ADRA1A: variants seen among roughly 807,000 people sequenced by gnomAD.
ADRA1A encodes the protein adrenoceptor alpha 1A.
ADRA1A carries 31 observed loss-of-function variants against 29.6 expected under a neutral mutation model. The ratio of observed to expected loss-of-function variants is 1.05; its 90% CI spans 0.79 to 1.41. The LOEUF (loss-of-function observed/expected upper bound fraction) is 1.41, where lower values mean the gene tolerates loss of function less well. Ranked by LOEUF, ADRA1A falls within the 40% of genes most tolerant of loss-of-function variation. The probability of loss-of-function intolerance (pLI) is 0.00; values close to 1 mark genes in which losing one functional copy is unlikely to be tolerated. For missense variants in ADRA1A, 619 were observed against 601.1 expected, an observed-to-expected ratio of 1.03 and a Z score of -0.31; for synonymous variants, 311 against 254.3, an observed-to-expected ratio of 1.22 and a Z score of -2.12.
chr8:26,828,338 T>C (rs528713207), intron 2 of ADRA1A, among the ~76,000 whole-genome samples: 5 of 152,330 alleles, frequency 3.3e-5, no homozygotes, highest in Admixed American at 2.0e-4. Context: ...TACCTCCTAC[T>C]CATCCATGGT....
At chr8:26,784,800 A>C (rs1807255425) in intron 2 of ADRA1A, among the ~76,000 whole-genome samples, 1 of 152,212 alleles carries the variant, frequency 6.6e-6, no homozygotes, top group Non-Finnish European at 1.5e-5. Context: ...TAGGGAGACC[A>C]ACCAGGAGGC....
At chr8:26,844,080 C>T (rs188219027) in intron 2 of ADRA1A, among the ~76,000 whole-genome samples, 1 of 152,116 alleles carries the variant, frequency 6.6e-6, no homozygotes, top group Non-Finnish European at 1.5e-5. Flanking sequence ...TTTTGGAAAT[C>T]AGGATTTTTC....
intron 2 of ADRA1A, among the ~76,000 whole-genome samples, chr8:26,788,103 A>G (rs1029747084): frequency 6.6e-6 from 1 of 152,164 alleles, no homozygotes; most frequent in East Asian, 1.9e-4. Flanking sequence ...TGCTGGGGAA[A>G]AGACATATTC....
intron 2 of ADRA1A, among the ~76,000 whole-genome samples, chr8:26,846,977 C>G (rs998423272): frequency 5.3e-5 from 8 of 152,068 alleles, no homozygotes; most frequent in African/African-American, 1.7e-4. Flanking sequence ...GAACAAAAAA[C>G]CAAACACTGC....
chr8:26,779,760 T>C (rs1208767021), intron 2 of ADRA1A, among the ~76,000 whole-genome samples: 1 of 152,182 alleles, frequency 6.6e-6, no homozygotes, highest in African/African-American at 2.4e-5. Flanking sequence ...GCAATTCTGA[T>C]TGCATGAAGC....
chr8:26,794,414 C>A (rs1287276139), intron 2 of ADRA1A, among the ~76,000 whole-genome samples: 3 of 152,026 alleles, frequency 2.0e-5, no homozygotes, highest in African/African-American at 7.2e-5. Context: ...ATGAATCTTG[C>A]ATGAATTTTG....
At position 26,796,903 on chromosome 8, in the gene ADRA1A, G is replaced by T. The variant is rs952843156; in HGVS notation, c.884-26237C>A. Among the ~76,000 whole-genome samples the T allele has an allele frequency of 2.0e-5, 3 of 152,052 alleles. No homozygotes were observed. Among genetic ancestry groups the T allele is most frequent in the Non-Finnish European group, 4.4e-5 (3 of 68,004 alleles). On this transcript the variant is annotated intron_variant, in intron 2 of 2. Transcript: ENST00000380573. This position sits in a 1 kb window ranked among gnomAD's most constrained non-coding sequence, Gnocchi z 5.0. ...TTGGAGAGGTTTATTCCCTCACTGC[G>T]CAAATTTTTATAGAGATGAGACTGG...
chr8:26,774,366 A>G lies in ADRA1A; in HGVS notation c.884-3700T>C, dbSNP rs549180131. The stretch of plus-strand genomic sequence containing the variant: ...TGCTTCCTTCAAGAACTTTCCAAAG[A>G]GTGAGAAAAGACAGCAAAAGGGCTA... On this transcript the variant is annotated intron_variant, in intron 2 of 2. Coordinates refer to ENST00000380573, the MANE Select transcript of ADRA1A (RefSeq NM_000680.4). 6.6e-5 allele frequency among the ~76,000 whole-genome samples: 10 copies of G among 152,330 alleles called. No homozygotes were observed. In the South Asian group the frequency reaches 2.1e-3, roughly 32 times the overall value.
At chr8:26,782,323 A>G in intron 2 of ADRA1A, among the ~76,000 whole-genome samples, 1 of 152,308 alleles carries the variant, frequency 6.6e-6, no homozygotes, top group Admixed American at 6.5e-5. Context: ...ATACATATAT[A>G]TAGGAATTTT....
downstream of ADRA1A, among the ~76,000 whole-genome samples, chr8:26,763,254 G>A (rs767705604): frequency 6.6e-6 from 1 of 152,194 alleles, no homozygotes; most frequent in African/African-American, 2.4e-5. The surrounding 1 kb of genome is among the most constrained non-coding windows in gnomAD (Gnocchi z 4.5). Context: ...AAGGAGCCAA[G>A]TGTGGCCCTG....
At chr8:26,780,502 A>G (rs984651852) in intron 2 of ADRA1A, among the ~76,000 whole-genome samples, 1 of 151,954 alleles carries the variant, frequency 6.6e-6, no homozygotes, top group African/African-American at 2.4e-5. Flanking sequence ...AATTTGTCCA[A>G]TTCTCTCTGT....
exon 3 of ADRA1A, chr8:26,756,697 GT>G: frequency 6.2e-7 from 1 of 1,613,904 alleles, no homozygotes. Context: ...AGGACCAGTG[GT>G]GGGTTTCATG....
Position 26,866,915 on chromosome 8 carries a change from C to A in ADRA1A, c.-687+21G>T. 1 of 985,386 alleles carries A rather than the reference C, an allele frequency of 1.0e-6. No individual in the cohort carries two copies. Among genetic ancestry groups the A allele is most frequent in the Non-Finnish European group, 1.2e-6 (1 of 829,958 alleles). 61.0% of individuals were successfully genotyped at this position (985,386 alleles called of 1,614,324 possible). ...CCCTCACCCACTCGGCCCTGCGGGACGCCGGCCCCGGCGCACTCACCTGAA... is the reference window on the plus strand; with the variant it reads ...CCCTCACCCACTCGGCCCTGCGGGAAGCCGGCCCCGGCGCACTCACCTGAA... On this transcript the variant is annotated intron_variant, in intron 1 of 2. Coordinates refer to ENST00000380573, the MANE Select transcript of ADRA1A (RefSeq NM_000680.4). The surrounding 1 kb of genome is among the most constrained non-coding windows in gnomAD (Gnocchi z 5.7).
intron 2 of ADRA1A, among the ~76,000 whole-genome samples, chr8:26,820,316 T>C (rs546381269): frequency 5.3e-5 from 8 of 152,290 alleles, no homozygotes; most frequent in Middle Eastern, 3.4e-3. Context: ...GGTGGAACAT[T>C]CTCCAGGATA....
chr8:26,780,534 C>T (rs1347985214), intron 2 of ADRA1A, among the ~76,000 whole-genome samples: 2 of 152,182 alleles, frequency 1.3e-5, no homozygotes, highest in Admixed American at 6.5e-5. Context: ...TTTTCAAAAT[C>T]CCACTCATCC....
At chr8:26,764,416 C>T (rs567790479), downstream of ADRA1A, among the ~76,000 whole-genome samples, 3 of 152,264 alleles carry the variant, frequency 2.0e-5, no homozygotes, top group Admixed American at 1.3e-4. Flanking sequence ...GCCCCTAGAA[C>T]AGTGACATGC....
rs1030919386 is a variant in ADRA1A at position 26,775,983 on chromosome 8, A to C, written c.884-5317T>G. Among the ~76,000 whole-genome samples the C allele has an allele frequency of 6.6e-6, 1 of 152,140 alleles. No homozygotes were observed. The highest frequency in any genetic ancestry group is 2.4e-5 in the African/African-American group (1 of 41,424). Reference sequence around the variant, plus strand: ...TTGGGAAAATCTGACTTCATTTTTGAACTGGGGCTCATCTAATAGGCTTAT... The same window carrying C: ...TTGGGAAAATCTGACTTCATTTTTGCACTGGGGCTCATCTAATAGGCTTAT... On this transcript the variant is annotated intron_variant, in intron 2 of 2. Transcript: ENST00000380573. The surrounding 1 kb of genome is among the most constrained non-coding windows in gnomAD (Gnocchi z 4.1).
Position 26,864,356 on chromosome 8 carries a change from C to T in ADRA1A, c.614G>A (p.Cys205Tyr). The T allele has an allele frequency of 6.2e-7, 1 of 1,614,006 alleles. No individual in the cohort carries two copies. The highest frequency in any genetic ancestry group is 8.5e-7 in the Non-Finnish European group (1 of 1,180,010). ...CCTCTTGGCCACCACGTAGACGCGG[C>T]AGTACATGACCAGGATGATGGCCAG... ...LPLAIILVMY[C>Y]RVYVVAKRES... Residue 205 changes from cysteine (C) to tyrosine (Y), a missense_variant, in exon 2 of 3, where the codon TGC becomes TAC. Transcript: ENST00000380573. The surrounding 1 kb of genome is among the most constrained non-coding windows in gnomAD (Gnocchi z 8.1).
In ADRA1A at chr8:26,768,915, T is replaced by G; in HGVS notation, c.*1234A>C. 1 of 985,484 alleles carries G rather than the reference T, an allele frequency of 1.0e-6. No individual in the cohort carries two copies. Among genetic ancestry groups the G allele is most frequent in the Non-Finnish European group, 1.2e-6 (1 of 829,934 alleles). 61.0% of individuals were successfully genotyped at this position (985,484 alleles called of 1,614,324 possible). A position where few individuals can be genotyped will look rare whatever the true frequency, so the allele number is the denominator to read the frequency against. On this transcript the variant is annotated 3_prime_UTR_variant, in exon 3 of 3. Transcript: ENST00000380573. ...TAGGAATAGATGAAGTTGAGTTGAC[T>G]ACTGGATCTTTTACCAGAACAAATG...
Sources: gnomAD v4.1 joint callset for allele counts (sites outside exome capture counted in the v4.1 genomes callset) on GRCh38, gnomAD v4.1.1 for gene constraint, Gnocchi (gnomAD v3.1) non-coding constraint, MANE v1.5 for transcripts, NCBI Gene and HGNC (gene_info 2026-07-23, HGNC 2026-07-21) for gene names.